The following RASAL2 variants were observed in gnomAD, a reference collection of about 807,000 sequenced individuals.
RASAL2 encodes RAS protein activator like 2, also known as ras GTPase-activating protein nGAP.
A neutral mutation model predicts 128.9 loss-of-function variants in RASAL2; 58 were observed. That is an observed-to-expected ratio of 0.45 (90% CI 0.36 to 0.56). RASAL2 has a LOEUF of 0.56. Among genes scored for constraint, RASAL2 ranks in the 20% least tolerant of loss-of-function variants. RASAL2 has a pLI of 0.00. For missense variants in RASAL2, 1,360 were observed against 1,601.6 expected (o/e 0.85, Z 2.57); for synonymous variants, 561 against 580.8 (o/e 0.97, Z 0.49).
intron 1 of RASAL2, among the ~76,000 whole-genome samples, chr1:178,096,788 T>C (rs887755414): frequency 6.6e-6 from 1 of 152,134 alleles, no homozygotes; most frequent in Non-Finnish European, 1.5e-5. Flanking sequence ...ATTTATTGTT[T>C]AGTATTGCTA....
chr1:178,400,351 T>C (rs755451833), intron 4 of RASAL2, among the ~76,000 whole-genome samples: 35 of 152,190 alleles, frequency 2.3e-4, no homozygotes, highest in Non-Finnish European at 5.0e-4. Flanking sequence ...CTACCTTCCA[T>C]CCTTGCTAAA....
intron 1 of RASAL2, among the ~76,000 whole-genome samples, chr1:178,282,875 A>C (rs185652387): frequency 1.3e-5 from 2 of 152,328 alleles, no homozygotes; most frequent in Admixed American, 1.3e-4. Context: ...ATATCAAAAA[A>C]ATTGAAAATG....
At chr1:178,127,717 C>G (rs187240135) in intron 1 of RASAL2, among the ~76,000 whole-genome samples, 306 of 152,126 alleles carry the variant, frequency 2.0e-3, no homozygotes, top group African/African-American at 6.9e-3. Context: ...TATCTAGTAT[C>G]TCCATACTTA....
At chr1:178,122,915 A>G (rs1186137414) in intron 1 of RASAL2, 1 of 151,790 alleles carries the variant, frequency 6.6e-6, no homozygotes, top group African/African-American at 2.4e-5. Context: ...TAGATCTTAG[A>G]TGAGTTGACC....
At chr1:178,103,178 C>G (rs1434203986) in intron 1 of RASAL2, among the ~76,000 whole-genome samples, 1 of 152,074 alleles carries the variant, frequency 6.6e-6, no homozygotes, top group East Asian at 1.9e-4. Flanking sequence ...ATTGCTTCTT[C>G]TTTCTTCCCC....
At position 178,259,276 on chromosome 1, in the gene RASAL2, G is replaced by A. The variant is rs527438287; in HGVS notation, c.203-24288G>A. Among the ~76,000 whole-genome samples, 186 of 151,376 alleles carry A rather than the reference G, an allele frequency of 1.2e-3. 1 individual carries two copies. Among genetic ancestry groups the A allele is most frequent in the Non-Finnish European group, 2.0e-3 (137 of 67,766 alleles). Reference sequence around the variant, plus strand: ...CTCCCGAGTAGCTGGGACTACAGGCGCCCGCCACCACGCCCGGCTAATTTT... The same window carrying A: ...CTCCCGAGTAGCTGGGACTACAGGCACCCGCCACCACGCCCGGCTAATTTT... On this transcript the variant is annotated intron_variant, in intron 1 of 17. Coordinates refer to ENST00000367649, the MANE Select transcript of RASAL2 (RefSeq NM_170692.4).
chr1:178,399,327 A>G (rs1673463272), intron 4 of RASAL2, among the ~76,000 whole-genome samples: 1 of 131,816 alleles, frequency 7.6e-6, no homozygotes, highest in Non-Finnish European at 1.6e-5. Flanking sequence ...TGTCATCTCC[A>G]GGGATGTCTT....
At chr1:178,155,004 G>C (rs1661036313) in intron 1 of RASAL2, among the ~76,000 whole-genome samples, 1 of 152,024 alleles carries the variant, frequency 6.6e-6, no homozygotes, top group Admixed American at 6.6e-5. Flanking sequence ...TGTATTTTTA[G>C]TAGAGATGGG....
At chr1:178,471,394 A>T (rs1648253469) in intron 17 of RASAL2, among the ~76,000 whole-genome samples, 1 of 152,060 alleles carries the variant, frequency 6.6e-6, no homozygotes, top group Non-Finnish European at 1.5e-5. Flanking sequence ...ATTGGTTAAA[A>T]TTTTTTTAAT....
intron 1 of RASAL2, among the ~76,000 whole-genome samples, chr1:178,189,761 C>T (rs1039868752): frequency 6.6e-6 from 1 of 152,100 alleles, no homozygotes; most frequent in Admixed American, 6.6e-5. Context: ...ATTATTAGCA[C>T]ATCTATTTAT....
At chr1:178,297,135 T>C (rs919352904) in intron 2 of RASAL2, among the ~76,000 whole-genome samples, 10 of 152,046 alleles carry the variant, frequency 6.6e-5, no homozygotes, top group Non-Finnish European at 1.5e-4. Flanking sequence ...CAAGTAAATA[T>C]GAACTAGTAA....
At chr1:178,262,547 G>A (rs1665746839) in intron 1 of RASAL2, among the ~76,000 whole-genome samples, 1 of 152,106 alleles carries the variant, frequency 6.6e-6, no homozygotes, top group Admixed American at 6.5e-5. Flanking sequence ...AGCAAAAGAT[G>A]TCACCCATCA....
chr1:178,099,462 T>G (rs913211156), intron 1 of RASAL2, among the ~76,000 whole-genome samples: 4 of 152,236 alleles, frequency 2.6e-5, no homozygotes, highest in African/African-American at 9.6e-5. Context: ...AAAATTTGTA[T>G]GTCTTATTTA....
At chr1:178,208,447 GCAGTA>G (rs1332649078) in intron 1 of RASAL2, among the ~76,000 whole-genome samples, 2 of 152,112 alleles carry the variant, frequency 1.3e-5, no homozygotes, top group African/African-American at 4.8e-5. Context: ...CTGGTCTTCT[GCAGTA>G]CCCTCAGGCT....
intron 1 of RASAL2, among the ~76,000 whole-genome samples, chr1:178,254,104 C>CCA (rs1665197142): frequency 6.6e-6 from 1 of 152,180 alleles, no homozygotes; most frequent in Non-Finnish European, 1.5e-5. Context: ...AATGACTGGC[C>CCA]TACTTTCAGT....
chr1:178,400,616 TA>T (rs35286329), intron 4 of RASAL2, among the ~76,000 whole-genome samples: 1 of 152,192 alleles, frequency 6.6e-6, no homozygotes, highest in Admixed American at 6.5e-5. Context: ...TTTGATATTT[TA>T]AAAAAATTTT....
intron 1 of RASAL2, among the ~76,000 whole-genome samples, chr1:178,171,352 T>C (rs1661699044): frequency 6.6e-6 from 1 of 151,840 alleles, no homozygotes; most frequent in Admixed American, 6.6e-5. Flanking sequence ...GTAAACAGAG[T>C]AAAGGCTAAC....
chr1:178,259,122 CTTTTTTTTTTT>C (rs59978357), intron 1 of RASAL2, among the ~76,000 whole-genome samples: 2 of 70,546 alleles, frequency 2.8e-5, no homozygotes, highest in African/African-American at 5.5e-5. Flanking sequence ...AATGAAACTT[CTTTTTTTTTTT>C]TTTTTTTTTT....
chr1:178,161,486 A>C (rs543995105), intron 1 of RASAL2, among the ~76,000 whole-genome samples: 227 of 152,348 alleles, frequency 1.5e-3, no homozygotes, highest in Non-Finnish European at 2.7e-3. Context: ...ATATCATTCC[A>C]GTCATTATTT....
Sources: allele counts gnomAD v4.1 joint callset (sites outside exome capture counted in the v4.1 genomes callset), GRCh38; gene constraint gnomAD v4.1.1; transcripts MANE v1.5; gene names NCBI Gene and HGNC (gene_info 2026-07-23, HGNC 2026-07-21).